FHIT: variants seen among roughly 807,000 people sequenced by gnomAD.
FHIT encodes the protein bis(5'-adenosyl)-triphosphatase.
FHIT carries 19 observed loss-of-function variants against 17.9 expected under a neutral mutation model. That is an observed-to-expected ratio of 1.06 (90% CI 0.74 to 1.56). FHIT has a LOEUF of 1.56. Among genes scored for constraint, FHIT ranks in the 40% most tolerant of loss-of-function variants. FHIT has a pLI of 0.00. For synonymous variants in FHIT, 81 were observed against 69.7 expected (o/e 1.16, Z -0.81); for missense variants, 248 against 189.2 (o/e 1.31, Z -1.82).
intron 7 of FHIT, among the ~76,000 whole-genome samples, chr3:59,923,916 C>T (rs907995308): frequency 1.3e-5 from 2 of 152,126 alleles, no homozygotes; most frequent in Non-Finnish European, 2.9e-5. Context: ...AGCACAGTTC[C>T]CAAAGAGTGA....
intron 3 of FHIT, among the ~76,000 whole-genome samples, chr3:60,946,136 G>A (rs936794818): frequency 6.6e-6 from 1 of 152,130 alleles, no homozygotes; most frequent in South Asian, 2.1e-4. Context: ...GGAGGATGAC[G>A]GATTGTACAT....
At chr3:60,118,942 AC>A (rs1055859306) in intron 5 of FHIT, among the ~76,000 whole-genome samples, 13 of 150,792 alleles carry the variant, frequency 8.6e-5, no homozygotes, top group African/African-American at 3.2e-4. Context: ...AATCACTTAA[AC>A]GTGGGAGGCG....
chr3:61,056,523 A>T (rs146091503), intron 2 of FHIT, among the ~76,000 whole-genome samples: 2 of 152,344 alleles, frequency 1.3e-5, no homozygotes, highest in Non-Finnish European at 2.9e-5. Context: ...AGCGAAGCTG[A>T]TGAGAGTGCT....
At chr3:60,706,289 C>T (rs952113612) in intron 4 of FHIT, among the ~76,000 whole-genome samples, 9 of 151,846 alleles carry the variant, frequency 5.9e-5, no homozygotes, top group African/African-American at 7.3e-5. Flanking sequence ...CTAATGCATG[C>T]GGGGCTTAAA....
intron 2 of FHIT, among the ~76,000 whole-genome samples, chr3:61,178,172 C>T (rs376492278): frequency 6.6e-6 from 1 of 151,998 alleles, no homozygotes; most frequent in African/African-American, 2.4e-5. Flanking sequence ...CAATAGTAAC[C>T]GGCAGTTATT....
chr3:60,296,635 G>A lies in FHIT; in HGVS notation c.103+240225C>T, dbSNP rs776095961. Among the ~76,000 whole-genome samples, 30 of 152,100 alleles carry A rather than the reference G, an allele frequency of 2.0e-4. 1 individual carries two copies. The highest frequency in any genetic ancestry group is 3.8e-4 in the Non-Finnish European group (26 of 67,972). On this transcript the variant is annotated intron_variant, in intron 5 of 9. Coordinates refer to ENST00000492590, the MANE Select transcript of FHIT (RefSeq NM_002012.4). ...TTTAGCCTCTTAGCAGAGTCTTTCA[G>A]AGAGAAATTTTTTAAATTTTGAAGT...
chr3:60,453,945 A>C (rs986369186), intron 5 of FHIT, among the ~76,000 whole-genome samples: 4 of 152,220 alleles, frequency 2.6e-5, no homozygotes, highest in Admixed American at 2.6e-4. Flanking sequence ...ATGCTGAGTA[A>C]TGGGTCTTCA....
chr3:61,159,462 C>A (rs537326969), intron 2 of FHIT, among the ~76,000 whole-genome samples: 2 of 152,258 alleles, frequency 1.3e-5, no homozygotes, highest in Admixed American at 1.3e-4. Context: ...ACTGTAGGGG[C>A]GGCCTGGATA....
chr3:61,189,679 A>G (rs1576179626), intron 2 of FHIT, among the ~76,000 whole-genome samples: 1 of 152,238 alleles, frequency 6.6e-6, no homozygotes, highest in Admixed American at 6.5e-5. Context: ...CCTGACTTCA[A>G]ACTATACTAC....
chr3:60,404,919 G>C (rs1182376532), intron 5 of FHIT, among the ~76,000 whole-genome samples: 1 of 152,132 alleles, frequency 6.6e-6, no homozygotes, highest in South Asian at 2.1e-4. Context: ...GTTTCTGAAC[G>C]ATCATTAAAA....
At chr3:60,119,253 T>A (rs34872452) in intron 5 of FHIT, among the ~76,000 whole-genome samples, 39,195 of 151,248 alleles carry the variant, frequency 0.26, 5,772 homozygotes, top group Non-Finnish European at 0.34. Flanking sequence ...TTTTATTTTT[T>A]GTAGAGACAG....
At chr3:60,099,035 C>A (rs1466891326) in intron 5 of FHIT, among the ~76,000 whole-genome samples, 1 of 152,072 alleles carries the variant, frequency 6.6e-6, no homozygotes, top group African/African-American at 2.4e-5. Flanking sequence ...GACTGTTGAC[C>A]ACTGGCTCTC....
intron 4 of FHIT, among the ~76,000 whole-genome samples, chr3:60,603,745 T>G (rs2038518502): frequency 6.6e-6 from 1 of 152,110 alleles, no homozygotes; most frequent in Non-Finnish European, 1.5e-5. Context: ...CCACCCTCAT[T>G]GCAAAGTACA....
At chr3:60,221,608 T>G (rs1029615310) in intron 5 of FHIT, among the ~76,000 whole-genome samples, 3 of 152,146 alleles carry the variant, frequency 2.0e-5, no homozygotes, top group African/African-American at 7.2e-5. Flanking sequence ...CCTACTTATC[T>G]CTGCAACTTC....
intron 5 of FHIT, among the ~76,000 whole-genome samples, chr3:60,163,264 G>A (rs955905819): frequency 3.3e-5 from 5 of 152,074 alleles, no homozygotes; most frequent in African/African-American, 1.2e-4. Flanking sequence ...TCCAAAATGA[G>A]TGCTCTTTTC....
chr3:60,947,421 C>T (rs1708686323), intron 3 of FHIT, among the ~76,000 whole-genome samples: 1 of 152,168 alleles, frequency 6.6e-6, no homozygotes, highest in Non-Finnish European at 1.5e-5. Flanking sequence ...CTATCTATAT[C>T]TAACAAAGGA....
intron 2 of FHIT, among the ~76,000 whole-genome samples, chr3:61,048,111 C>G (rs1285949674): frequency 1.3e-5 from 2 of 151,642 alleles, no homozygotes; most frequent in African/African-American, 4.8e-5. Context: ...CAACAAAAGC[C>G]AAAATTGACA....
At chr3:61,095,679 T>C (rs1375042542) in intron 2 of FHIT, among the ~76,000 whole-genome samples, 1 of 152,002 alleles carries the variant, frequency 6.6e-6, no homozygotes, top group Admixed American at 6.5e-5. Context: ...TTTCCCTATC[T>C]CTCATTCTAA....
rs117415849 is a variant in FHIT, at chr3:60,479,793, G to A, written c.103+57067C>T. ...GATCTAGGTTGCATGCTCCTTATGA[G>A]AATCTAACTAATGCCTGAATATCTG... is the stretch of plus-strand genomic sequence containing the variant. On this transcript the variant is annotated intron_variant, in intron 5 of 9. Coordinates refer to ENST00000492590, the MANE Select transcript of FHIT (RefSeq NM_002012.4). Among the ~76,000 whole-genome samples the A allele has an allele frequency of 9.0e-3, 1,376 of 152,248 alleles. 12 individuals are homozygous for A. Among genetic ancestry groups the A allele is most frequent in the East Asian group, 0.03 (156 of 5,174 alleles).
Sources: allele counts gnomAD v4.1 joint callset (sites outside exome capture counted in the v4.1 genomes callset), GRCh38; gene constraint gnomAD v4.1.1; transcripts MANE v1.5; gene names NCBI Gene and HGNC (gene_info 2026-07-23, HGNC 2026-07-21).